Variants in SPECC1 observed in about 807,000 individuals in gnomAD.
SPECC1 encodes the protein cytospin-B.
Under a neutral mutation model 104.1 loss-of-function variants are expected in SPECC1, and 62 were observed. The observed-to-expected ratio is 0.60, with a 90% CI of 0.49 to 0.74. The LOEUF is 0.74. Ranked by LOEUF, SPECC1 falls within the 30% of genes least tolerant of loss-of-function variation. The pLI is 0.00. For synonymous variants in SPECC1, 513 were observed against 501.6 expected, an observed-to-expected ratio of 1.02 and a Z score of -0.30; for missense variants, 1,306 against 1,310.5, an observed-to-expected ratio of 1.00 and a Z score of 0.05.
intron 1 of SPECC1, among the ~76,000 whole-genome samples, chr17:20,018,994 T>A (rs1004306639): frequency 6.6e-6 from 1 of 152,122 alleles, no homozygotes; most frequent in African/African-American, 2.4e-5. Flanking sequence ...AGTCCCTCTT[T>A]CCAGGTTGGA....
chr17:20,213,673 C>T (rs2037305600), intron 4 of SPECC1, among the ~76,000 whole-genome samples: 1 of 151,926 alleles, frequency 6.6e-6, no homozygotes, highest in Admixed American at 6.6e-5. Context: ...GTGAGTTGAC[C>T]CCTGAGTGTA....
chr17:20,150,308 A>G (rs1341016277), intron 3 of SPECC1, among the ~76,000 whole-genome samples: 1 of 142,812 alleles, frequency 7.0e-6, no homozygotes, highest in Non-Finnish European at 1.5e-5. Flanking sequence ...TTTGGGACGG[A>G]GTCTCAGCTC....
At chr17:20,158,959 TTTTTG>T (rs1374489299) in intron 3 of SPECC1, among the ~76,000 whole-genome samples, 1 of 149,150 alleles carries the variant, frequency 6.7e-6, no homozygotes, top group Non-Finnish European at 1.5e-5. Context: ...TTTGTTTTTG[TTTTTG>T]TTTTTTTTTT....
chr17:20,258,347 C>T (rs1329391993), intron 11 of SPECC1, among the ~76,000 whole-genome samples: 1 of 152,208 alleles, frequency 6.6e-6, no homozygotes, highest in Non-Finnish European at 1.5e-5. Context: ...AGGGTGGTCA[C>T]TAAGAGCTTG....
At chr17:20,279,867 G>A (rs545129893) in intron 12 of SPECC1, among the ~76,000 whole-genome samples, 1 of 152,168 alleles carries the variant, frequency 6.6e-6, no homozygotes, top group Admixed American at 6.5e-5. Flanking sequence ...GGAGAAGGTG[G>A]ACAGATGGAT....
intron 5 of SPECC1, 47 bp from the exon 6 acceptor site, chr17:20,231,711 A>C: frequency 6.3e-7 from 1 of 1,577,086 alleles, no homozygotes; most frequent in Non-Finnish European, 8.7e-7. Context: ...TCTTCTCTTA[A>C]GAGTCTCACA....
intron 12 of SPECC1, among the ~76,000 whole-genome samples, chr17:20,276,170 G>A (rs963658802): frequency 6.6e-6 from 1 of 151,950 alleles, no homozygotes; most frequent in Admixed American, 6.6e-5. Context: ...AGGCTAGAGT[G>A]TAGTGGCACA....
Position 20,314,160 on chromosome 17 carries a change from C to T in SPECC1, c.*95C>T, listed in dbSNP as rs2042002740. The T allele has an allele frequency of 1.9e-6, 2 of 1,060,728 alleles. No homozygotes were observed. The highest frequency in any genetic ancestry group is 2.8e-6 in the Non-Finnish European group (2 of 705,696). 65.7% of individuals were successfully genotyped at this position (1,060,728 alleles called of 1,614,324 possible). ...CCACTGACCCTGCTCTGCCCACCAC[C>T]CAGCTGCCTAGACTTCAAAGACAGG... On this transcript the variant is annotated 3_prime_UTR_variant, in exon 15 of 15. Transcript: ENST00000395527.
At chr17:20,025,356 C>G (rs999832194) in intron 1 of SPECC1, among the ~76,000 whole-genome samples, 1 of 152,208 alleles carries the variant, frequency 6.6e-6, no homozygotes, top group Non-Finnish European at 1.5e-5. Context: ...TCCAGTAGTT[C>G]TGGGAAAGTA....
chr17:20,272,096 T>G (rs1214408271), intron 12 of SPECC1, among the ~76,000 whole-genome samples: 2 of 152,174 alleles, frequency 1.3e-5, no homozygotes, highest in African/African-American at 4.8e-5. Context: ...AGTTTTGTGT[T>G]TTCTATCATG....
intron 3 of SPECC1, among the ~76,000 whole-genome samples, chr17:20,194,502 A>ATTCT: frequency 1.2e-5 from 1 of 86,566 alleles, no homozygotes. Context: ...AAGAGAACGA[A>ATTCT]TTTTTTTTTT....
At chr17:20,271,480 C>A (rs2040404049) in intron 12 of SPECC1, among the ~76,000 whole-genome samples, 1 of 152,114 alleles carries the variant, frequency 6.6e-6, no homozygotes, top group African/African-American at 2.4e-5. Flanking sequence ...TTCTTTTACA[C>A]AACCTGTTAC....
At chr17:20,156,061 A>G in intron 3 of SPECC1, 1 of 1,295,938 alleles carries the variant, frequency 7.7e-7, no homozygotes, top group Non-Finnish European at 9.8e-7. Context: ...GGGAACTGGA[A>G]GGCGCCCGGT....
intron 3 of SPECC1, among the ~76,000 whole-genome samples, chr17:20,190,252 C>A (rs2035571442): frequency 6.6e-6 from 1 of 152,178 alleles, no homozygotes; most frequent in South Asian, 2.1e-4. Context: ...GCCTATAAAG[C>A]TGACGGATTG....
At chr17:20,101,581 G>A (rs2047946461) in intron 2 of SPECC1, among the ~76,000 whole-genome samples, 1 of 152,220 alleles carries the variant, frequency 6.6e-6, no homozygotes, top group Non-Finnish European at 1.5e-5. Flanking sequence ...ATACACTCCT[G>A]TAAATCCTCC....
intron 4 of SPECC1, among the ~76,000 whole-genome samples, chr17:20,220,558 G>GTTT (rs34347184): frequency 1.7e-4 from 22 of 128,060 alleles, no homozygotes; most frequent in Non-Finnish European, 3.3e-4. Context: ...GTTCTTAATA[G>GTTT]TTTTTTTTTT....
intron 13 of SPECC1, among the ~76,000 whole-genome samples, chr17:20,302,878 T>TA (rs35060925): frequency 0.043 from 2,657 of 61,816 alleles, 100 homozygotes; most frequent in African/African-American, 0.11. Context: ...TGAGCCCATC[T>TA]AAAAAAAAAA....
intron 2 of SPECC1, among the ~76,000 whole-genome samples, chr17:20,102,307 C>G (rs1283748032): frequency 2.0e-5 from 3 of 152,214 alleles, no homozygotes; most frequent in Admixed American, 2.0e-4. Context: ...TGTCCTACCC[C>G]CAGGAAACCT....
intron 1 of SPECC1, among the ~76,000 whole-genome samples, chr17:20,077,520 G>T (rs1389325623): frequency 1.3e-5 from 2 of 151,940 alleles, no homozygotes; most frequent in Non-Finnish European, 2.9e-5. Context: ...AGGCTGAAGT[G>T]CAGTGGTACA....
Sources: gnomAD v4.1 joint callset for allele counts (sites outside exome capture counted in the v4.1 genomes callset) on GRCh38, gnomAD v4.1.1 for gene constraint, MANE v1.5 for transcripts, NCBI Gene and HGNC (gene_info 2026-07-23, HGNC 2026-07-21) for gene names.